CCND3: variants seen among roughly 807,000 people sequenced by gnomAD.
CCND3 encodes G1/S-specific cyclin-D3.
A neutral mutation model predicts 28.7 loss-of-function variants in CCND3; 9 were observed. That is an observed-to-expected ratio of 0.31 (90% CI 0.19 to 0.55). The LOEUF (loss-of-function observed/expected upper bound fraction) is 0.55. Ranked by LOEUF, CCND3 falls within the 20% of genes least tolerant of loss-of-function variation. The probability of loss-of-function intolerance (pLI) is 0.93; values close to 1 mark genes in which losing one functional copy is unlikely to be tolerated. For synonymous variants in CCND3, 164 were observed against 163.9 expected (o/e 1.00, Z 0.00); for missense variants, 315 against 385.8 (o/e 0.82, Z 1.54).
chr6:41,982,566 T>C (rs1561972067), intron 1 of CCND3, among the ~76,000 whole-genome samples: 1 of 152,084 alleles, frequency 6.6e-6, no homozygotes, highest in Non-Finnish European at 1.5e-5. Flanking sequence ...ATTTTGCAGG[T>C]AGTGACAAAC....
intron 1 of CCND3, 108 bp from the exon 2 acceptor site, chr6:41,940,693 G>T: frequency 1.2e-6 from 1 of 820,432 alleles, no homozygotes. Context: ...ACGGCAGAGA[G>T]GGTAAGCTAC....
chr6:41,968,828 C>T (rs760096340), intron 1 of CCND3, among the ~76,000 whole-genome samples: 6 of 152,010 alleles, frequency 3.9e-5, no homozygotes, highest in Non-Finnish European at 7.3e-5. Flanking sequence ...TGTTTTGACA[C>T]GGAGTCTCAC....
chr6:41,950,347 G>A (rs1236519239), intron 1 of CCND3, among the ~76,000 whole-genome samples: 3 of 152,098 alleles, frequency 2.0e-5, no homozygotes, highest in Admixed American at 6.6e-5. Flanking sequence ...GCAGGAGATA[G>A]CACTGGCATT....
chr6:41,991,640 A>C (rs1253812773), intron 1 of CCND3, among the ~76,000 whole-genome samples: 3 of 152,120 alleles, frequency 2.0e-5, no homozygotes, highest in Non-Finnish European at 4.4e-5. Context: ...AACTATTATT[A>C]TTATTCTTAA....
chr6:41,935,674 C>T lies in CCND3; in HGVS notation c.*266G>A. The T allele has an allele frequency of 1.8e-6, 1 of 543,714 alleles. No individual in the cohort carries two copies. Among genetic ancestry groups the T allele is most frequent in the East Asian group, 2.8e-5 (1 of 35,536 alleles). The allele number at this position is 543,714 out of a possible 1,614,324, so 33.7% of individuals were successfully genotyped here. On this transcript the variant is annotated 3_prime_UTR_variant, in exon 5 of 5. Transcript: ENST00000372991. Reference sequence around the variant, plus strand: ...ATGTATCCAATTCTGTCCCATCAGCCTGGCCCACCCCCAGCTAGAGTTGGG... The same window carrying T: ...ATGTATCCAATTCTGTCCCATCAGCTTGGCCCACCCCCAGCTAGAGTTGGG...
chr6:41,937,740 C>T (rs1339427298), intron 2 of CCND3: 3 of 299,934 alleles, frequency 1.0e-5, no homozygotes, highest in Admixed American at 4.6e-5. Context: ...GGCTGAAAGA[C>T]GGAAGCAGCA....
At chr6:42,043,882 G>A (rs1291272620) in intron 1 of CCND3, among the ~76,000 whole-genome samples, 1 of 152,216 alleles carries the variant, frequency 6.6e-6, no homozygotes, top group Non-Finnish European at 1.5e-5. Flanking sequence ...CGACTGTCCT[G>A]GGGAATTTCA....
chr6:41,975,595 G>T (rs1286445809), intron 1 of CCND3, among the ~76,000 whole-genome samples: 1 of 152,120 alleles, frequency 6.6e-6, no homozygotes, highest in African/African-American at 2.4e-5. Flanking sequence ...GTAGTCAGTG[G>T]GGAATCCCAA....
intron 1 of CCND3, among the ~76,000 whole-genome samples, chr6:42,010,550 C>T (rs1162336267): frequency 2.6e-5 from 4 of 152,166 alleles, no homozygotes; most frequent in Non-Finnish European, 4.4e-5. Context: ...AAATGAAGCA[C>T]GGCCCCACCC....
upstream of CCND3, among the ~76,000 whole-genome samples, chr6:41,946,784 T>G (rs1210636710): frequency 6.6e-6 from 1 of 151,722 alleles, no homozygotes; most frequent in Non-Finnish European, 1.5e-5. Context: ...TTCCTATCAG[T>G]AAAAATTGAG....
intron 1 of CCND3, among the ~76,000 whole-genome samples, chr6:41,993,742 C>G (rs1237205205): frequency 2.6e-5 from 4 of 151,412 alleles, no homozygotes. Flanking sequence ...GGCCAACATA[C>G]TGAAACCTGT....
intron 1 of CCND3, among the ~76,000 whole-genome samples, chr6:41,952,421 A>C (rs1437248907): frequency 6.6e-6 from 1 of 152,180 alleles, no homozygotes; most frequent in African/African-American, 2.4e-5. Flanking sequence ...TGGAACTGGG[A>C]GACAATCAAA....
chr6:42,004,163 C>T (rs9369322), intron 1 of CCND3, among the ~76,000 whole-genome samples: 146,090 of 148,460 alleles, frequency 0.98, 71,923 homozygotes, highest in East Asian at 1. Context: ...TGGTGGGATC[C>T]TGGCTCGCTG....
chr6:42,036,590 G>A (rs1348561895), intron 1 of CCND3, among the ~76,000 whole-genome samples: 1 of 150,024 alleles, frequency 6.7e-6, no homozygotes, highest in Non-Finnish European at 1.5e-5. Flanking sequence ...CTTTTGTAGA[G>A]ACAAAATTTT....
At chr6:41,978,157 G>A (rs545007630) in intron 1 of CCND3, among the ~76,000 whole-genome samples, 1 of 151,594 alleles carries the variant, frequency 6.6e-6, no homozygotes, top group East Asian at 2.0e-4. Flanking sequence ...GGTGGATCAC[G>A]AGGTCAGGAG....
chr6:41,972,295 C>G (rs1170519958), intron 1 of CCND3, among the ~76,000 whole-genome samples: 2 of 151,322 alleles, frequency 1.3e-5, no homozygotes, highest in Non-Finnish European at 2.9e-5. Flanking sequence ...TTCTAACATT[C>G]TGTAAGTGAG....
Position 41,951,573 on chromosome 6 carries a change from C to CAAA in CCND3, c.-45-10989_-45-10988insTTT, listed in dbSNP as rs1489585484. On this transcript the variant is annotated intron_variant, in intron 1 of 4. Coordinates refer to the CCND3 transcript ENST00000372988. The stretch of plus-strand genomic sequence containing the variant: ...ACACACACACACACACACACACACA[C>CAAA]ACAAAAAAAAAGATTAAGTGGGAGT... 2.6e-3 allele frequency among the ~76,000 whole-genome samples: 182 copies of CAAA among 71,250 alleles called. 2 individuals carry two copies. Among genetic ancestry groups the CAAA allele is most frequent in the Middle Eastern group, 7.7e-3 (1 of 130 alleles). 46.7% of individuals were successfully genotyped at this position (71,250 alleles called of 152,430 possible). A position where few individuals can be genotyped will look rare whatever the true frequency, so the allele number is the denominator to read the frequency against.
upstream of CCND3, among the ~76,000 whole-genome samples, chr6:41,943,601 A>T (rs944324188): frequency 6.6e-6 from 1 of 152,222 alleles, no homozygotes; most frequent in Non-Finnish European, 1.5e-5. Context: ...GTGCACACTC[A>T]TGATTATTTC....
intron 1 of CCND3, among the ~76,000 whole-genome samples, chr6:42,010,312 C>T (rs755332826): frequency 2.0e-5 from 3 of 151,940 alleles, no homozygotes; most frequent in Non-Finnish European, 2.9e-5. Flanking sequence ...TTTCCCTTAA[C>T]GGTGTCCCCT....
Sources: allele counts gnomAD v4.1 joint callset (sites outside exome capture counted in the v4.1 genomes callset), GRCh38; gene constraint gnomAD v4.1.1; transcripts MANE v1.5; gene names NCBI Gene and HGNC (gene_info 2026-07-23, HGNC 2026-07-21).